BMAL2: variants seen among roughly 807,000 people sequenced by gnomAD.
The protein encoded by BMAL2 is basic helix-loop-helix ARNT-like protein 2.
the BMAL2 span, among the ~76,000 whole-genome samples, chr12:27,379,227 G>A: frequency 1.3e-5 from 2 of 152,094 alleles, no homozygotes; most frequent in Non-Finnish European, 2.9e-5. Flanking sequence ...TTGAAAATGG[G>A]GGTACATCGC....
At chr12:27,411,642 T>C in the BMAL2 span, among the ~76,000 whole-genome samples, 1 of 152,162 alleles carries the variant, frequency 6.6e-6, no homozygotes, top group East Asian at 1.9e-4. Context: ...GTATATTTTC[T>C]TTGGAGAAGT....
the BMAL2 span, among the ~76,000 whole-genome samples, chr12:27,348,166 T>C: frequency 6.6e-6 from 1 of 152,194 alleles, no homozygotes; most frequent in African/African-American, 2.4e-5. Flanking sequence ...TTCATATCTC[T>C]TCCCTCGTGT....
At chr12:27,410,707 G>T in the BMAL2 span, among the ~76,000 whole-genome samples, 1 of 152,058 alleles carries the variant, frequency 6.6e-6, no homozygotes, top group East Asian at 1.9e-4. Flanking sequence ...TAAGAAACCT[G>T]CATGTTGTGT....
the BMAL2 span, among the ~76,000 whole-genome samples, chr12:27,406,263 A>G: frequency 6.6e-6 from 1 of 152,212 alleles, no homozygotes; most frequent in African/African-American, 2.4e-5. Flanking sequence ...ATACTCCTCG[A>G]GAAGAGCAAC....
chr12:27,356,615 TTTGA>T, the BMAL2 span, among the ~76,000 whole-genome samples: 2 of 152,120 alleles, frequency 1.3e-5, no homozygotes, highest in Non-Finnish European at 2.9e-5. Context: ...AGAAAAATCC[TTTGA>T]TTGGCTACTG....
At chr12:27,395,851 T>C in the BMAL2 span, among the ~76,000 whole-genome samples, 1 of 152,240 alleles carries the variant, frequency 6.6e-6, no homozygotes, top group African/African-American at 2.4e-5. Context: ...CACTAGACTC[T>C]GCCTCCCAAC....
the BMAL2 span, among the ~76,000 whole-genome samples, chr12:27,358,560 T>C: frequency 2.6e-5 from 4 of 152,140 alleles, no homozygotes; most frequent in Non-Finnish European, 4.4e-5. Flanking sequence ...CTGAATGCAT[T>C]TGCTACCTCC....
chr12:27,418,950 G>A, the BMAL2 span, among the ~76,000 whole-genome samples: 2 of 148,098 alleles, frequency 1.4e-5, no homozygotes. Flanking sequence ...CTGCACTCCA[G>A]CATGGGCAGC....
the BMAL2 span, among the ~76,000 whole-genome samples, chr12:27,382,085 G>A: frequency 6.6e-6 from 1 of 152,196 alleles, no homozygotes; most frequent in Non-Finnish European, 1.5e-5. Context: ...CATGATGGGA[G>A]ATCTTATTTT....
chr12:27,334,127 C>T, the BMAL2 span, among the ~76,000 whole-genome samples: 19 of 152,284 alleles, frequency 1.2e-4, no homozygotes, highest in South Asian at 3.7e-3. Flanking sequence ...GAATTTACAT[C>T]ATGGGGCGAT....
the BMAL2 span, chr12:27,402,788 A>G: frequency 1.0e-6 from 1 of 999,082 alleles, no homozygotes; most frequent in Non-Finnish European, 1.4e-6. Context: ...AATTAAAAGT[A>G]GTTCTGCAGG....
the BMAL2 span, among the ~76,000 whole-genome samples, chr12:27,348,930 A>G: frequency 6.6e-6 from 1 of 152,188 alleles, no homozygotes; most frequent in Non-Finnish European, 1.5e-5. Context: ...CTGCTATATA[A>G]TGTCTGAGGG....
At chr12:27,403,683 A>C in the BMAL2 span, 1 of 459,632 alleles carries the variant, frequency 2.2e-6, no homozygotes, top group African/African-American at 2.0e-5. Context: ...AGTAGCAACA[A>C]AAAGATATAA....
At chr12:27,371,517 G>C in the BMAL2 span, among the ~76,000 whole-genome samples, 5 of 152,144 alleles carry the variant, frequency 3.3e-5, no homozygotes, top group East Asian at 5.8e-4. Flanking sequence ...GCACTTAGAG[G>C]GGGGTGAGCT....
the BMAL2 span, chr12:27,380,126 C>T: frequency 1.0e-6 from 1 of 952,424 alleles, no homozygotes; most frequent in Non-Finnish European, 1.6e-6. Flanking sequence ...CTGCAGGGCC[C>T]AAGTGGGGAG....
the BMAL2 span, among the ~76,000 whole-genome samples, chr12:27,397,312 C>T: frequency 5.3e-4 from 80 of 152,296 alleles, no homozygotes; most frequent in African/African-American, 1.8e-3. Flanking sequence ...CCTTGTGATC[C>T]GCCAACCTTG....
chr12:27,355,601 A>G, the BMAL2 span, among the ~76,000 whole-genome samples: 3 of 152,172 alleles, frequency 2.0e-5, no homozygotes, highest in Admixed American at 6.5e-5. Context: ...TCGAACTTCT[A>G]CATACTTCCC....
the BMAL2 span, among the ~76,000 whole-genome samples, chr12:27,333,756 G>C: frequency 2.0e-5 from 3 of 152,258 alleles, no homozygotes; most frequent in Admixed American, 2.0e-4. Context: ...GAAGCTTCAG[G>C]AAAGCCGTCA....
At chr12:27,365,531 A>G in the BMAL2 span, among the ~76,000 whole-genome samples, 6 of 151,896 alleles carry the variant, frequency 4.0e-5, no homozygotes, top group Admixed American at 3.9e-4. Context: ...TTTTTTTCAT[A>G]TAGTGGAATA....
Sources: gnomAD v4.1 joint callset for allele counts (sites outside exome capture counted in the v4.1 genomes callset) on GRCh38, gnomAD v4.1.1 for gene constraint, MANE v1.5 for transcripts, NCBI Gene and HGNC (gene_info 2026-07-23, HGNC 2026-07-21) for gene names.